Variants in TDRD12 observed in about 807,000 individuals in gnomAD.
TDRD12 encodes tudor domain containing 12, also known as putative ATP-dependent RNA helicase TDRD12.
In TDRD12, 158 loss-of-function variants were observed where a neutral mutation model predicts 133.5. The ratio of observed to expected loss-of-function variants is 1.18; its 90% CI spans 1.04 to 1.35. TDRD12 has a LOEUF of 1.35. Among genes scored for constraint, TDRD12 ranks in the 40% most tolerant of loss-of-function variants. The pLI, the probability that TDRD12 is intolerant of heterozygous loss-of-function variation, is 0.00. For missense variants in TDRD12, 1,443 were observed against 1,321.3 expected (o/e 1.09, Z -1.43); for synonymous variants, 460 against 477.9 (o/e 0.96, Z 0.49).
chr19:32,777,758 C>T (rs1442040368), intron 11 of TDRD12, among the ~76,000 whole-genome samples: 1 of 137,890 alleles, frequency 7.3e-6, no homozygotes, highest in Admixed American at 7.6e-5. Flanking sequence ...GATCCTCCCA[C>T]CTCAGCCTCC....
exon 21 of TDRD12, chr19:32,802,975 G>T: frequency 2.0e-6 from 3 of 1,536,098 alleles, no homozygotes; most frequent in Non-Finnish European, 2.6e-6. Context: ...TGCTGCTGAC[G>T]GAGAAAGATG....
chr19:32,742,159 CT>C lies in TDRD12; in HGVS notation c.321-608del, dbSNP rs10692209. Among the ~76,000 whole-genome samples the C allele has an allele frequency of 2.9e-3, 420 of 144,260 alleles. 2 individuals are homozygous for C. The highest frequency in any genetic ancestry group is 7.7e-3 in the African/African-American group (301 of 39,196). 94.6% of individuals were successfully genotyped at this position (144,260 alleles called of 152,430 possible). A position where few individuals can be genotyped will look rare whatever the true frequency, so the allele number is the denominator to read the frequency against. ...TGTCCACCTAAGGAGCCTTATTAGA[CT>C]TTTTTTTTTTTTTGAGACAGAGTTT... On this transcript the variant is annotated intron_variant, in intron 3 of 27. Coordinates refer to ENST00000444215, the Ensembl canonical transcript of TDRD12.
At chr19:32,745,678 AGG>A (rs1969583441) in intron 4 of TDRD12, among the ~76,000 whole-genome samples, 2 of 137,706 alleles carry the variant, frequency 1.5e-5, no homozygotes, top group African/African-American at 5.9e-5. Context: ...TGTGAGAGAG[AGG>A]GAGAGACTGG....
chr19:32,742,497 C>A (rs1969459890), intron 3 of TDRD12, among the ~76,000 whole-genome samples: 1 of 152,106 alleles, frequency 6.6e-6, no homozygotes, highest in African/African-American at 2.4e-5. Context: ...TAAACTCCTA[C>A]CCCTAGGTCA....
exon 24 of TDRD12, chr19:32,811,382 G>A (rs1372590972): frequency 2.0e-5 from 31 of 1,536,010 alleles, no homozygotes; most frequent in Non-Finnish European, 2.4e-5. Context: ...TGTCTGTAGG[G>A]TGAAACCTGC....
At chr19:32,815,909 G>A (rs778913232) in intron 26 of TDRD12, among the ~76,000 whole-genome samples, 17 of 152,022 alleles carry the variant, frequency 1.1e-4, no homozygotes, top group Non-Finnish European at 1.9e-4. Flanking sequence ...CAGGAGAATC[G>A]CTTGAACCTG....
rs1282152629 is a variant in TDRD12, at chr19:32,810,187, ATGAG to A, written c.2749_2752del (p.Glu917IlefsTer21). On this transcript the variant is annotated frameshift_variant, in exon 23 of 28. Coordinates refer to ENST00000444215, the Ensembl canonical transcript of TDRD12. LOFTEE classifies it high-confidence loss of function. The stretch of plus-strand genomic sequence containing the variant: ...TATGCAACTCTCAATGCTGAAATGA[ATGAG>A]TATTTTAAGGATTCTAATAAAACAA... The A allele has an allele frequency of 9.8e-6, 15 of 1,535,910 alleles. No individual in the cohort carries two copies. The highest frequency in any genetic ancestry group is 5.5e-5 in the African/African-American group (4 of 73,054).
exon 14 of TDRD12, chr19:32,794,783 C>G: frequency 1.4e-6 from 1 of 703,384 alleles, no homozygotes; most frequent in Middle Eastern, 2.3e-4. Flanking sequence ...AAACAGGAGC[C>G]TGCTACAAGT....
At chr19:32,791,034 T>C (rs756445002) in exon 13 of TDRD12, 3 of 1,536,164 alleles carry the variant, frequency 2.0e-6, no homozygotes, top group Admixed American at 2.0e-5. Context: ...TGCTTAACCA[T>C]TGACTCGTCG....
intron 16 of TDRD12, among the ~76,000 whole-genome samples, chr19:32,799,057 G>A (rs77864527): frequency 0.017 from 2,558 of 152,224 alleles, 63 homozygotes; most frequent in African/African-American, 0.059. Context: ...GAACATGCAT[G>A]CTTTTTGCAC....
At chr19:32,776,368 C>A (rs1599570007) in intron 10 of TDRD12, among the ~76,000 whole-genome samples, 1 of 152,352 alleles carries the variant, frequency 6.6e-6, no homozygotes, top group Middle Eastern at 3.4e-3. Flanking sequence ...AAGGTCACCA[C>A]ACTGCTGTTG....
chr19:32,755,972 A>G lies in TDRD12; in HGVS notation c.583-20A>G. 7.0e-7 allele frequency: 1 copy of G among 1,435,214 alleles called. No individual in the cohort carries two copies. 88.9% of individuals were successfully genotyped at this position (1,435,214 alleles called of 1,614,324 possible). A position where few individuals can be genotyped will look rare whatever the true frequency, so the allele number is the denominator to read the frequency against. ...GACTATATTTGTCTTATTAGTCATGAAATGTTTAAAATTTTACAGGTTTGT... is the reference window on the plus strand; with the variant it reads ...GACTATATTTGTCTTATTAGTCATGGAATGTTTAAAATTTTACAGGTTTGT... On this transcript the variant is annotated intron_variant, in intron 6 of 27. Transcript: ENST00000444215.
chr19:32,794,092 C>CT lies in TDRD12; in HGVS notation c.1288-505dup, dbSNP rs751938374. Among the ~76,000 whole-genome samples the CT allele has an allele frequency of 5.9e-3, 295 of 49,864 alleles. 64 individuals carry two copies. The highest frequency in any genetic ancestry group is 8.1e-3 in the Non-Finnish European group (240 of 29,470). 32.7% of individuals were successfully genotyped at this position (49,864 alleles called of 152,430 possible). A position where few individuals can be genotyped will look rare whatever the true frequency, so the allele number is the denominator to read the frequency against. ...TACAGACATGAGCCACTGTGCCTGG[C>CT]TTTTTTTTTTTTTTTTTTTTTTTTT... On this transcript the variant is annotated intron_variant, in intron 13 of 27. Coordinates refer to ENST00000444215, the Ensembl canonical transcript of TDRD12.
At position 32,821,236 on chromosome 19, in the gene TDRD12, G is replaced by C. The variant is rs1348385303; in HGVS notation, c.*53G>C. The C allele has an allele frequency of 5.9e-5, 61 of 1,036,860 alleles. No homozygotes were observed. In the South Asian group the frequency reaches 8.9e-4, roughly 15 times the overall value. 64.2% of individuals were successfully genotyped at this position (1,036,860 alleles called of 1,614,324 possible). ...TTTCTACTTTGAGATGAAATGTAGA[G>C]AAGATGACATAAACTGATATCACCT... On this transcript the variant is annotated 3_prime_UTR_variant, in exon 28 of 28. Transcript: ENST00000444215.
intron 24 of TDRD12, among the ~76,000 whole-genome samples, chr19:32,813,349 G>A (rs1005714816): frequency 3.3e-5 from 5 of 152,188 alleles, no homozygotes; most frequent in Non-Finnish European, 4.4e-5. Context: ...ATAGGCATCC[G>A]TGCTTTAAAG....
At chr19:32,816,825 A>G (rs1447069519) in intron 26 of TDRD12, among the ~76,000 whole-genome samples, 1 of 152,208 alleles carries the variant, frequency 6.6e-6, no homozygotes, top group East Asian at 1.9e-4. Context: ...GGAGGAAAAC[A>G]GCAGGCACCT....
chr19:32,769,920 G>C (rs562394562), intron 8 of TDRD12, among the ~76,000 whole-genome samples: 63 of 151,594 alleles, frequency 4.2e-4, no homozygotes, highest in Middle Eastern at 3.5e-3. Context: ...ATAGGCATGA[G>C]CCACTGTGCC....
At chr19:32,776,206 A>G (rs1970579758) in intron 10 of TDRD12, among the ~76,000 whole-genome samples, 1 of 152,008 alleles carries the variant, frequency 6.6e-6, no homozygotes, top group Non-Finnish European at 1.5e-5. Context: ...TCTCTTGGAG[A>G]CATTGGTGTG....
intron 8 of TDRD12, among the ~76,000 whole-genome samples, chr19:32,762,409 G>T (rs1970175558): frequency 6.6e-6 from 1 of 152,194 alleles, no homozygotes; most frequent in African/African-American, 2.4e-5. Context: ...ATGTTGAGTT[G>T]TTCCAGCACC....
Sources: gnomAD v4.1 joint callset for allele counts (sites outside exome capture counted in the v4.1 genomes callset) on GRCh38, gnomAD v4.1.1 for gene constraint, MANE v1.5 for transcripts, NCBI Gene and HGNC (gene_info 2026-07-23, HGNC 2026-07-21) for gene names.